The following DSCAM variants were observed in gnomAD, a reference collection of about 807,000 sequenced individuals.
DSCAM encodes cell adhesion molecule DSCAM.
DSCAM carries 47 observed loss-of-function variants against 217.7 expected under a neutral mutation model. That is an observed-to-expected ratio of 0.22 (90% CI 0.17 to 0.28). The LOEUF is 0.28. DSCAM is among the 10% of genes least tolerant of loss of function. DSCAM has a pLI of 1.00. For synonymous variants in DSCAM, 1,056 were observed against 1,015.3 expected (o/e 1.04, Z -0.76); for missense variants, 2,080 against 2,618.3 (o/e 0.79, Z 4.49).
chr21:40,413,798 C>T (rs2075345290), intron 3 of DSCAM, among the ~76,000 whole-genome samples: 2 of 152,054 alleles, frequency 1.3e-5, no homozygotes, highest in South Asian at 2.1e-4. Flanking sequence ...GAAAACAGAC[C>T]CACACAGATA....
chr21:40,177,884 G>A (rs373997048), intron 15 of DSCAM, among the ~76,000 whole-genome samples: 12 of 152,086 alleles, frequency 7.9e-5, no homozygotes, highest in African/African-American at 2.4e-4. Flanking sequence ...ACAAACCTCC[G>A]GTCTTCTGTT....
At chr21:40,130,611 A>C (rs562509566) in intron 19 of DSCAM, among the ~76,000 whole-genome samples, 1 of 152,300 alleles carries the variant, frequency 6.6e-6, no homozygotes, top group African/African-American at 2.4e-5. Flanking sequence ...GAATATGTCC[A>C]TGCACCGGAG....
intron 28 of DSCAM, among the ~76,000 whole-genome samples, chr21:40,059,472 T>C (rs1215334202): frequency 6.6e-6 from 1 of 152,198 alleles, no homozygotes; most frequent in Non-Finnish European, 1.5e-5. Context: ...TCTAGGAGCA[T>C]GAAGCCCAGC....
chr21:40,534,519 C>T (rs926385582), intron 3 of DSCAM, among the ~76,000 whole-genome samples: 2 of 152,134 alleles, frequency 1.3e-5, no homozygotes, highest in Non-Finnish European at 2.9e-5. Context: ...CATGTGTGTA[C>T]CCCGCCTTGA....
chr21:40,283,914 C>T (rs1343180239), intron 10 of DSCAM, among the ~76,000 whole-genome samples: 1 of 152,136 alleles, frequency 6.6e-6, no homozygotes, highest in Non-Finnish European at 1.5e-5. Context: ...GAAAGGAGGT[C>T]TCTTTAGCCT....
At chr21:40,553,975 C>T (rs1337488981) in intron 3 of DSCAM, among the ~76,000 whole-genome samples, 1 of 152,078 alleles carries the variant, frequency 6.6e-6, no homozygotes, top group Admixed American at 6.6e-5. Context: ...GATCTTGAAT[C>T]AGGGTGCTTG....
chr21:40,149,962 T>C (rs13046959), intron 16 of DSCAM, among the ~76,000 whole-genome samples: 114,573 of 151,974 alleles, frequency 0.75, 43,349 homozygotes, highest in South Asian at 0.83. Flanking sequence ...ATCATTCCAT[T>C]ACTATCCCAC....
rs544620449 is a variant in DSCAM, at chr21:40,642,540, G to C, written c.508+50270C>G. Among the ~76,000 whole-genome samples the C allele has an allele frequency of 8.1e-4, 124 of 152,216 alleles. 2 individuals carry two copies. The South Asian group carries it at 0.021, about 26-fold the overall frequency. On this transcript the variant is annotated intron_variant, in intron 3 of 32. Transcript: ENST00000400454. ...TTCCAGAGGTGAGGAATGAAGTCCAGGGATCTGCCTCTTCACAAGCTCTCC... is the reference window on the plus strand; with the variant it reads ...TTCCAGAGGTGAGGAATGAAGTCCACGGATCTGCCTCTTCACAAGCTCTCC...
chr21:40,245,808 T>C (rs2073216316), intron 11 of DSCAM, among the ~76,000 whole-genome samples: 1 of 152,186 alleles, frequency 6.6e-6, no homozygotes, highest in African/African-American at 2.4e-5. Context: ...TTCATACTTA[T>C]CTAGCCAGGA....
At chr21:40,762,096 G>T (rs558750574) in intron 1 of DSCAM, among the ~76,000 whole-genome samples, 1 of 152,200 alleles carries the variant, frequency 6.6e-6, no homozygotes, top group Admixed American at 6.5e-5. Context: ...CAGAAGACAA[G>T]AAATAACTAA....
intron 11 of DSCAM, among the ~76,000 whole-genome samples, chr21:40,261,874 A>G (rs2073457461): frequency 6.6e-6 from 1 of 152,096 alleles, no homozygotes; most frequent in Admixed American, 6.6e-5. Flanking sequence ...GCCCTAACCA[A>G]TGTAATGGTA....
At chr21:40,188,993 T>C (rs369549349) in intron 12 of DSCAM, 49 bp downstream of exon 12, 2 of 1,578,590 alleles carry the variant, frequency 1.3e-6, no homozygotes, top group Non-Finnish European at 8.7e-7. Context: ...GAAAGACTTA[T>C]TCTTCCAATA....
chr21:40,074,969 G>T, intron 27 of DSCAM, 68 bp downstream of exon 27: 1 of 1,532,340 alleles, frequency 6.5e-7, no homozygotes. Flanking sequence ...TTCTCCAGCT[G>T]GCATCTCTCC....
At chr21:40,288,749 T>C (rs2073856659) in intron 10 of DSCAM, among the ~76,000 whole-genome samples, 1 of 152,222 alleles carries the variant, frequency 6.6e-6, no homozygotes. Context: ...AGCTAATACA[T>C]ACTGACTAAT....
At chr21:40,430,602 T>C (rs561919959) in intron 3 of DSCAM, among the ~76,000 whole-genome samples, 2 of 152,320 alleles carry the variant, frequency 1.3e-5, no homozygotes, top group South Asian at 4.1e-4. Flanking sequence ...TGTAAGTTAA[T>C]ACGTAATAAA....
chr21:40,525,014 A>AAAAAAAAAAAAAAAAAC (rs2076389609), intron 3 of DSCAM, among the ~76,000 whole-genome samples: 1 of 151,306 alleles, frequency 6.6e-6, no homozygotes, highest in African/African-American at 2.4e-5. Context: ...AGTCTCAAAA[A>AAAAAAAAAAAAAAAAAC]AAAAAAAAAA....
intron 11 of DSCAM, among the ~76,000 whole-genome samples, chr21:40,208,195 G>A (rs1295928135): frequency 6.6e-6 from 1 of 152,172 alleles, no homozygotes; most frequent in Non-Finnish European, 1.5e-5. Flanking sequence ...GCTCTTATCT[G>A]TAATCCCAGC....
At chr21:40,446,864 G>C (rs182108349) in intron 3 of DSCAM, among the ~76,000 whole-genome samples, 5 of 152,214 alleles carry the variant, frequency 3.3e-5, no homozygotes, top group South Asian at 2.1e-4. Flanking sequence ...TCAAAGTCCT[G>C]TTGGGGAAAT....
chr21:40,675,771 G>C (rs1568977859), intron 3 of DSCAM, among the ~76,000 whole-genome samples: 1 of 152,118 alleles, frequency 6.6e-6, no homozygotes, highest in Non-Finnish European at 1.5e-5. Flanking sequence ...TCTGATCCTT[G>C]TCACCTTGAA....
Sources: gnomAD v4.1 joint callset for allele counts (sites outside exome capture counted in the v4.1 genomes callset) on GRCh38, gnomAD v4.1.1 for gene constraint, MANE v1.5 for transcripts, NCBI Gene and HGNC (gene_info 2026-07-23, HGNC 2026-07-21) for gene names.